The following BDH2 variants were observed in gnomAD, a reference collection of about 807,000 sequenced individuals.
BDH2 encodes 3-hydroxybutyrate dehydrogenase 2, also known as dehydrogenase/reductase SDR family member 6.
Under a neutral mutation model 33.2 loss-of-function variants are expected in BDH2, and 24 were observed. The ratio of observed to expected loss-of-function variants is 0.72; its 90% CI spans 0.52 to 1.02. The LOEUF (loss-of-function observed/expected upper bound fraction) is 1.02. Ranked by LOEUF, BDH2 falls within the 50% of genes least tolerant of loss-of-function variation. The pLI is 0.00. For missense variants in BDH2, 249 were observed against 301.6 expected (o/e 0.83, Z 1.29); for synonymous variants, 81 against 101.6 (o/e 0.80, Z 1.22).
chr4:103,095,504 A>G (rs1385735336), intron 2 of BDH2, among the ~76,000 whole-genome samples: 3 of 152,158 alleles, frequency 2.0e-5, no homozygotes, highest in African/African-American at 7.2e-5. Flanking sequence ...CATCTGACTT[A>G]GTCCCTTTAA....
At chr4:103,086,185 A>G (rs1345555184) in intron 6 of BDH2, 1 of 1,173,286 alleles carries the variant, frequency 8.5e-7, no homozygotes, top group East Asian at 4.7e-5. Context: ...CACTATTTTA[A>G]ATTAATTAAA....
rs1403467798 is a variant in BDH2 at position 103,078,854 on chromosome 4, C to T, written c.*848G>A. ...CACTGCAGCCTCAAACTCTTGGGCT[C>T]AAGTAATCCTCCTGCCTTAGCCTCT... On this transcript the variant is annotated 3_prime_UTR_variant, in exon 10 of 10. Transcript: ENST00000296424. Among the ~76,000 whole-genome samples the T allele has an allele frequency of 9.9e-5, 15 of 152,146 alleles. No homozygotes were observed. The highest frequency in any genetic ancestry group is 2.9e-4 in the African/African-American group (12 of 41,438).
chr4:103,082,365 G>A (rs1163663871), intron 8 of BDH2, among the ~76,000 whole-genome samples, 192 bp from the exon 9 acceptor site: 1 of 152,134 alleles, frequency 6.6e-6, no homozygotes, highest in Non-Finnish European at 1.5e-5. Flanking sequence ...CACAGATATT[G>A]TGACACATCA....
intron 7 of BDH2, among the ~76,000 whole-genome samples, chr4:103,083,156 AG>A (rs1474281173): frequency 6.6e-6 from 1 of 152,252 alleles, no homozygotes; most frequent in Non-Finnish European, 1.5e-5. Flanking sequence ...GACACTATGT[AG>A]GGACTCTGGA....
At chr4:103,089,910 A>G (rs746829) in intron 5 of BDH2, among the ~76,000 whole-genome samples, 35,564 of 152,168 alleles carry the variant, frequency 0.23, 4,632 homozygotes, top group African/African-American at 0.35. Context: ...ATCCCTTCTA[A>G]GCACTAAACA....
At chr4:103,096,531 A>ATTTTTTT (rs70941651) in intron 1 of BDH2, among the ~76,000 whole-genome samples, 1 of 114,238 alleles carries the variant, frequency 8.8e-6, no homozygotes, top group African/African-American at 3.3e-5. Flanking sequence ...GACATTGGCC[A>ATTTTTTT]TTTTTTTTTT....
rs908170764 is a variant in BDH2, at chr4:103,086,487, G to T, written c.411C>A (p.Ser137Arg). 2 of 1,612,580 alleles carry T rather than the reference G, an allele frequency of 1.2e-6. No homozygotes were observed. Among genetic ancestry groups the T allele is most frequent in the South Asian group, 1.1e-5 (1 of 90,676 alleles). The change falls in exon 6 of 10, where the codon AGC (serine) becomes AGA (arginine). Residue 137 changes from serine (S) to arginine (R), a missense_variant. Ser to Arg is a moderately radical substitution (Grantham distance 110). Transcript: ENST00000296424. Reference protein sequence around the residue: ...NIINMSSVASSVKGVVNRCVY... With the variant: ...NIINMSSVASRVKGVVNRCVY... ...GGAAGGAGACAGACCCACCTTTGAC[G>T]CTGGAAGCCACAGAAGACATGTTGA...
intron 8 of BDH2, among the ~76,000 whole-genome samples, 195 bp from the exon 9 acceptor site, chr4:103,082,368 A>T (rs1403058200): frequency 1.3e-5 from 2 of 152,186 alleles, no homozygotes; most frequent in Non-Finnish European, 2.9e-5. Flanking sequence ...AGATATTGTG[A>T]CACATCAGAA....
chr4:103,088,298 A>G (rs1747896909), intron 5 of BDH2, among the ~76,000 whole-genome samples: 1 of 152,224 alleles, frequency 6.6e-6, no homozygotes, highest in Admixed American at 6.5e-5. Flanking sequence ...TATAGAATAC[A>G]TATACCCCAA....
At chr4:103,080,719 G>A (rs1348442443) in intron 9 of BDH2, among the ~76,000 whole-genome samples, 2 of 152,194 alleles carry the variant, frequency 1.3e-5, no homozygotes, top group African/African-American at 4.8e-5. Flanking sequence ...TACTTTTGTA[G>A]CACATTTCAA....
At chr4:103,081,882 C>T (rs560563072) in intron 9 of BDH2, among the ~76,000 whole-genome samples, 199 bp downstream of exon 9, 1 of 152,160 alleles carries the variant, frequency 6.6e-6, no homozygotes, top group African/African-American at 2.4e-5. Flanking sequence ...TTATGTAAAG[C>T]TGAATAAGGA....
chr4:103,091,323 T>C, intron 4 of BDH2, 38 bp from the exon 5 acceptor site: 2 of 1,423,358 alleles, frequency 1.4e-6, no homozygotes, highest in Non-Finnish European at 2.0e-6. Context: ...ATAACTGCCA[T>C]TAAAATTTTT....
chr4:103,091,202 A>G lies in BDH2; in HGVS notation c.332T>C (p.Leu111Pro). The G allele has an allele frequency of 6.2e-7, 1 of 1,612,488 alleles. No individual in the cohort carries two copies. Among genetic ancestry groups the G allele is most frequent in the Non-Finnish European group, 8.5e-7 (1 of 1,179,380 alleles). The stretch of plus-strand genomic sequence containing the variant: ...TTTAGGAAGGAATGCCTTGATCATC[A>G]GGTACATGCTGCGCACATTGAGATT... ...SMNLNVRSMY[L>P]MIKAFLPKML... Residue 111 changes from leucine to proline, a missense_variant, in exon 5 of 10, where the codon CTG (leucine) becomes CCG (proline). By Grantham distance (98) the Leu-to-Pro change is moderately conservative. Transcript: ENST00000296424.
intron 5 of BDH2, among the ~76,000 whole-genome samples, chr4:103,088,306 C>A (rs185046544): frequency 6.6e-6 from 1 of 152,124 alleles, no homozygotes. Context: ...ACATATACCC[C>A]AATTTAATAC....
chr4:103,095,910 T>C (rs556114619), intron 2 of BDH2, among the ~76,000 whole-genome samples: 1 of 152,232 alleles, frequency 6.6e-6, no homozygotes, highest in African/African-American at 2.4e-5. Context: ...TATATCATGA[T>C]GCAGAGAAAC....
chr4:103,085,665 C>T, intron 6 of BDH2: 1 of 1,495,032 alleles, frequency 6.7e-7, no homozygotes, highest in South Asian at 1.2e-5. Flanking sequence ...ATAGGCACAA[C>T]TTAATTGAGA....
chr4:103,092,393 A>G (rs1748149248), intron 4 of BDH2: 1 of 573,106 alleles, frequency 1.7e-6, no homozygotes, highest in South Asian at 2.1e-5. Context: ...AGTAGACCTC[A>G]TTTGCCCCAG....
At chr4:103,084,602 G>A (rs1025306636) in intron 7 of BDH2, among the ~76,000 whole-genome samples, 3 of 152,068 alleles carry the variant, frequency 2.0e-5, no homozygotes, top group Admixed American at 6.6e-5. Flanking sequence ...CTCAAGTATC[G>A]CCAGGATGTA....
intron 4 of BDH2, chr4:103,092,231 C>T: frequency 4.6e-6 from 1 of 215,926 alleles, no homozygotes; most frequent in Non-Finnish European, 9.3e-6. Context: ...CAGAAACTAA[C>T]TTTGCTAACT....
Sources: gnomAD v4.1 joint callset for allele counts (sites outside exome capture counted in the v4.1 genomes callset) on GRCh38, gnomAD v4.1.1 for gene constraint, MANE v1.5 for transcripts, NCBI Gene and HGNC (gene_info 2026-07-23, HGNC 2026-07-21) for gene names.